SH3KBP1: variants seen among roughly 807,000 people sequenced by gnomAD.
SH3KBP1 encodes SH3 domain containing kinase binding protein 1, also known as SH3 domain-containing kinase-binding protein 1.
SH3KBP1 carries 8 observed loss-of-function variants against 50.1 expected under a neutral mutation model. The observed-to-expected ratio is 0.16, with a 90% CI of 0.09 to 0.29. The LOEUF is 0.29. Among genes scored for constraint, SH3KBP1 ranks in the 10% least tolerant of loss-of-function variants. SH3KBP1 has a pLI of 1.00. For missense variants in SH3KBP1, 377 were observed against 535.2 expected (o/e 0.70, Z 2.92); for synonymous variants, 227 against 218.6 (o/e 1.04, Z -0.34).
chrX:19,556,193 C>A (rs1223880764), intron 13 of SH3KBP1, among the ~76,000 whole-genome samples: 1 of 111,872 alleles, frequency 8.9e-6, no homozygotes, highest in African/African-American at 3.2e-5. Flanking sequence ...CCTTTCAAAT[C>A]ATGCAGATAG....
In SH3KBP1 at chrX:19,869,137, C is replaced by T. The variant is rs142058466; in HGVS notation, c.4+18170G>A. On this transcript the variant is annotated intron_variant, in intron 1 of 17. Coordinates refer to ENST00000397821, the MANE Select transcript of SH3KBP1 (RefSeq NM_031892.3). The stretch of plus-strand genomic sequence containing the variant: ...GCTGCAAAAGGTAAGGAAAGGAATC[C>T]TCCCCTAGAGCCTCCAGAAGGCACT... Among the ~76,000 whole-genome samples, 6 of 111,847 alleles carry T rather than the reference C, an allele frequency of 5.4e-5. No individual in the cohort carries two copies. The East Asian group carries it at 1.7e-3, about 31-fold the overall frequency.
intron 7 of SH3KBP1, among the ~76,000 whole-genome samples, chrX:19,643,306 TA>T (rs1201762177): frequency 0.013 from 1,235 of 92,458 alleles, 109 homozygotes; most frequent in African/African-American, 0.046. Flanking sequence ...AAGAATTTTT[TA>T]TTTTTTTTTT....
At chrX:19,722,358 C>G (rs2064079843) in intron 3 of SH3KBP1, among the ~76,000 whole-genome samples, 1 of 112,095 alleles carries the variant, frequency 8.9e-6, no homozygotes, top group Non-Finnish European at 1.9e-5. Context: ...GCCACAGCCT[C>G]ATTACCCTCC....
At chrX:19,797,669 C>T (rs894170406) in intron 2 of SH3KBP1, among the ~76,000 whole-genome samples, 1 of 111,406 alleles carries the variant, frequency 9.0e-6, no homozygotes, top group African/African-American at 3.3e-5. Context: ...AAAGTTAGCA[C>T]TGTGTCAGAG....
At chrX:19,765,539 T>TA (rs1422018547) in intron 2 of SH3KBP1, among the ~76,000 whole-genome samples, 1 of 111,772 alleles carries the variant, frequency 8.9e-6, no homozygotes, top group African/African-American at 3.3e-5. Flanking sequence ...CCTCCCTTTT[T>TA]AAAAAAAATT....
At chrX:19,573,629 T>G (rs1339849668) in intron 12 of SH3KBP1, among the ~76,000 whole-genome samples, 1 of 111,656 alleles carries the variant, frequency 9.0e-6, no homozygotes, top group Non-Finnish European at 1.9e-5. Context: ...CTTATCTAAT[T>G]CAGGCAGCTC....
At chrX:19,776,058 C>G (rs2065960763) in intron 2 of SH3KBP1, among the ~76,000 whole-genome samples, 1 of 111,442 alleles carries the variant, frequency 9.0e-6, no homozygotes, top group Admixed American at 9.6e-5. Flanking sequence ...CAAAGGACAA[C>G]AGAGTGTGCC....
intron 9 of SH3KBP1, among the ~76,000 whole-genome samples, chrX:19,600,398 T>C (rs752732702): frequency 1.8e-5 from 2 of 109,904 alleles, no homozygotes; most frequent in South Asian, 7.7e-4. Context: ...AAAAAAAAAA[T>C]GAAACAAATT....
chrX:19,746,505 A>G (rs1224909394), intron 2 of SH3KBP1, 64 bp from the exon 3 acceptor site: 6 of 1,043,361 alleles, frequency 5.8e-6, no homozygotes, highest in South Asian at 2.1e-5. Flanking sequence ...CTCTTGGACT[A>G]TCTTAAGCTC....
At chrX:19,542,270 T>C (rs1201612441) in intron 15 of SH3KBP1, 77 bp from the exon 16 acceptor site, 1 of 950,967 alleles carries the variant, frequency 1.1e-6, no homozygotes. Context: ...AGTCAAACTC[T>C]CCGTTAACAC....
At chrX:19,647,568 T>A (rs1003285759) in intron 6 of SH3KBP1, among the ~76,000 whole-genome samples, 1 of 111,753 alleles carries the variant, frequency 8.9e-6, no homozygotes, top group Non-Finnish European at 1.9e-5. Flanking sequence ...TCTGCATGGA[T>A]CCCAGCGACA....
chrX:19,553,897 T>A (rs1164256618), intron 13 of SH3KBP1, among the ~76,000 whole-genome samples: 1 of 80,005 alleles, frequency 1.2e-5, no homozygotes. Flanking sequence ...TATTATATAT[T>A]ATATATATAA....
At chrX:19,728,670 A>G (rs995081355) in intron 3 of SH3KBP1, among the ~76,000 whole-genome samples, 2 of 111,889 alleles carry the variant, frequency 1.8e-5, no homozygotes, top group African/African-American at 3.3e-5. Context: ...CTGGACCCCA[A>G]TATTTCTTCC....
intron 3 of SH3KBP1, among the ~76,000 whole-genome samples, chrX:19,715,816 G>C (rs1169118105): frequency 8.9e-6 from 1 of 112,070 alleles, no homozygotes; most frequent in African/African-American, 3.2e-5. Flanking sequence ...AACAGTTGCA[G>C]TAAGTAGTTT....
chrX:19,582,753 G>A (rs978005103), intron 12 of SH3KBP1, among the ~76,000 whole-genome samples: 2 of 111,620 alleles, frequency 1.8e-5, no homozygotes, highest in African/African-American at 3.3e-5. Context: ...GTGCTACAGC[G>A]GGAGACAGGC....
chrX:19,825,260 T>C (rs2067641655), intron 2 of SH3KBP1, among the ~76,000 whole-genome samples: 1 of 112,493 alleles, frequency 8.9e-6, no homozygotes. Context: ...GTTGTTCTTT[T>C]GAGTTGAAAG....
intron 6 of SH3KBP1, among the ~76,000 whole-genome samples, chrX:19,648,726 A>G (rs1162222840): frequency 9.0e-6 from 1 of 110,504 alleles, no homozygotes; most frequent in East Asian, 2.9e-4. Context: ...GCCACTACCC[A>G]CTCAAAGTCT....
chrX:19,675,061 A>G (rs1714579012), intron 6 of SH3KBP1, among the ~76,000 whole-genome samples: 1 of 109,343 alleles, frequency 9.1e-6, no homozygotes, highest in African/African-American at 3.4e-5. Flanking sequence ...CCTGGGTGAC[A>G]GAGCAAGACC....
At chrX:19,624,475 T>C (rs2067951508) in intron 8 of SH3KBP1, among the ~76,000 whole-genome samples, 1 of 111,763 alleles carries the variant, frequency 8.9e-6, no homozygotes, top group Admixed American at 9.5e-5. Flanking sequence ...AGCTGCAAGC[T>C]CATCTGTCCA....
Sources: allele counts gnomAD v4.1 joint callset (sites outside exome capture counted in the v4.1 genomes callset), GRCh38; gene constraint gnomAD v4.1.1; transcripts MANE v1.5; gene names NCBI Gene and HGNC (gene_info 2026-07-23, HGNC 2026-07-21).